Variants in KLRG2 observed in about 807,000 individuals in gnomAD.
KLRG2 encodes killer cell lectin like receptor G2.
Under a neutral mutation model 35.4 loss-of-function variants are expected in KLRG2, and 39 were observed. The ratio of observed to expected loss-of-function variants is 1.10; its 90% CI spans 0.85 to 1.44. The LOEUF (loss-of-function observed/expected upper bound fraction) is 1.44. KLRG2 is among the 40% of genes most tolerant of loss of function. The probability of loss-of-function intolerance (pLI) is 0.00; values close to 1 mark genes in which losing one functional copy is unlikely to be tolerated. For missense variants in KLRG2, 632 were observed against 570.9 expected (o/e 1.11, Z -1.09); for synonymous variants, 283 against 265.8 (o/e 1.06, Z -0.63).
chr7:139,444,109 G>C, the KLRG2 span, among the ~76,000 whole-genome samples: 1 of 152,308 alleles, frequency 6.6e-6, no homozygotes, highest in East Asian at 1.9e-4. Flanking sequence ...CAGCAAGTCT[G>C]CTCTTTCCAA....
chr7:139,439,676 C>T, the KLRG2 span, among the ~76,000 whole-genome samples: 1 of 152,190 alleles, frequency 6.6e-6, no homozygotes, highest in African/African-American at 2.4e-5. Flanking sequence ...GCTCTGGAAA[C>T]GTAAAGCTTG....
At chr7:139,470,290 C>A (rs1048399752) in intron 3 of KLRG2, among the ~76,000 whole-genome samples, 4 of 152,022 alleles carry the variant, frequency 2.6e-5, no homozygotes, top group Non-Finnish European at 4.4e-5. Context: ...GATCTCCTGA[C>A]CTCGTGATCT....
At chr7:139,460,344 G>A (rs185930744) in intron 3 of KLRG2, among the ~76,000 whole-genome samples, 192 of 152,336 alleles carry the variant, frequency 1.3e-3, no homozygotes, top group African/African-American at 3.6e-3. Flanking sequence ...GATTACCACA[G>A]AAAGGGTAAT....
intron 3 of KLRG2, among the ~76,000 whole-genome samples, chr7:139,476,470 C>T (rs1796852339): frequency 6.6e-6 from 1 of 151,568 alleles, no homozygotes; most frequent in African/African-American, 2.4e-5. Flanking sequence ...GAGACAGAGT[C>T]TCACTCTGTT....
At chr7:139,468,115 C>T (rs890507717) in intron 3 of KLRG2, among the ~76,000 whole-genome samples, 2 of 152,136 alleles carry the variant, frequency 1.3e-5, no homozygotes, top group African/African-American at 2.4e-5. Flanking sequence ...CCTTTGTTCA[C>T]GTGTTTATCT....
chr7:139,446,076 C>T, the KLRG2 span, among the ~76,000 whole-genome samples: 7 of 152,018 alleles, frequency 4.6e-5, no homozygotes, highest in Non-Finnish European at 1.0e-4. Flanking sequence ...CTCCTGACCT[C>T]AGGTGATCCG....
chr7:139,432,602 T>C, the KLRG2 span, among the ~76,000 whole-genome samples: 1 of 138,304 alleles, frequency 7.2e-6, no homozygotes, highest in African/African-American at 2.7e-5. Flanking sequence ...CAGGTCTGAG[T>C]GCAGTGGTGT....
chr7:139,449,667 A>G (rs927199094), downstream of KLRG2, among the ~76,000 whole-genome samples: 1 of 151,004 alleles, frequency 6.6e-6, no homozygotes, highest in Non-Finnish European at 1.5e-5. Flanking sequence ...CTGTACAAAA[A>G]TATTTTCTTC....
chr7:139,476,858 G>A (rs1796858506), intron 3 of KLRG2, among the ~76,000 whole-genome samples: 2 of 152,102 alleles, frequency 1.3e-5, no homozygotes, highest in Admixed American at 1.3e-4. Flanking sequence ...TCCCTTCACA[G>A]CACAGATCAG....
chr7:139,445,781 G>GTATATATA, the KLRG2 span, among the ~76,000 whole-genome samples: 906 of 95,232 alleles, frequency 9.5e-3, 26 homozygotes, highest in African/African-American at 0.018. Context: ...ATATATATAT[G>GTATATATA]TATATATATA....
the KLRG2 span, among the ~76,000 whole-genome samples, chr7:139,444,409 T>C: frequency 4.6e-5 from 7 of 152,204 alleles, no homozygotes; most frequent in African/African-American, 1.7e-4. Context: ...CTCGAACCCC[T>C]GAACTCAGGT....
chr7:139,430,235 T>G, the KLRG2 span, among the ~76,000 whole-genome samples: 1 of 152,012 alleles, frequency 6.6e-6, no homozygotes, highest in East Asian at 1.9e-4. Flanking sequence ...AAACCCCATC[T>G]CTACTAAAAA....
rs767874397 is a variant in KLRG2 at position 139,483,591 on chromosome 7, G to A, written c.52C>T (p.Pro18Ser). 5 of 1,594,648 alleles carry A rather than the reference G, an allele frequency of 3.1e-6. No homozygotes were observed. The East Asian group carries it at 9.0e-5, about 29-fold the overall frequency. The change falls in exon 1 of 5, where the codon CCA (proline) becomes TCA (serine). Residue 18 changes from proline to serine, a missense_variant. Transcript: ENST00000340940. ...ACCAGGCTTCCCACGGGCTCCATTG[G>A]GAGCTCTGCCCCGGCTTGGCCTCCG... The part of the protein sequence containing the change: ...APGGQAGAEL[P>S]MEPVGSLVPT...
At chr7:139,441,481 G>A in the KLRG2 span, among the ~76,000 whole-genome samples, 2 of 151,810 alleles carry the variant, frequency 1.3e-5, no homozygotes, top group African/African-American at 4.8e-5. Flanking sequence ...GTGGGTGGGG[G>A]ACTGGGGGAG....
chr7:139,441,862 A>T, the KLRG2 span, among the ~76,000 whole-genome samples: 1 of 152,240 alleles, frequency 6.6e-6, no homozygotes, highest in African/African-American at 2.4e-5. Context: ...GCTGCAGCAC[A>T]CAGCAGAAGA....
intron 3 of KLRG2, among the ~76,000 whole-genome samples, chr7:139,470,321 T>C (rs997725862): frequency 2.6e-5 from 4 of 151,738 alleles, no homozygotes; most frequent in African/African-American, 7.3e-5. Context: ...GCCTCCCGAA[T>C]TGCTGGGATT....
At chr7:139,446,795 A>ACCT in the KLRG2 span, among the ~76,000 whole-genome samples, 2 of 150,446 alleles carry the variant, frequency 1.3e-5, no homozygotes, top group Non-Finnish European at 3.0e-5. Flanking sequence ...CTGACATCCA[A>ACCT]CCTCCTCCTC....
Position 139,454,734 on chromosome 7 carries a change from T to C in KLRG2, c.1006-520A>G, listed in dbSNP as rs1047721090. Among the ~76,000 whole-genome samples the C allele has an allele frequency of 3.3e-5, 5 of 151,684 alleles. No individual in the cohort carries two copies. The South Asian group carries it at 6.2e-4, about 19-fold the overall frequency. On this transcript the variant is annotated intron_variant, in intron 3 of 4. Transcript: ENST00000340940. Reference sequence around the variant, plus strand: ...GGGAGGCTGAAACAGGAGAATCGCTTGAGCCCAGGAGACAGAGGTTGCAGT... The same window carrying C: ...GGGAGGCTGAAACAGGAGAATCGCTCGAGCCCAGGAGACAGAGGTTGCAGT...
At chr7:139,439,264 A>G in the KLRG2 span, among the ~76,000 whole-genome samples, 7 of 152,202 alleles carry the variant, frequency 4.6e-5, no homozygotes, top group African/African-American at 1.7e-4. Flanking sequence ...GCTGCATGCA[A>G]TGCACATGCT....
Sources: allele counts gnomAD v4.1 joint callset (sites outside exome capture counted in the v4.1 genomes callset), GRCh38; gene constraint gnomAD v4.1.1; transcripts MANE v1.5; gene names NCBI Gene and HGNC (gene_info 2026-07-23, HGNC 2026-07-21).